WWTR1: variants seen among roughly 807,000 people sequenced by gnomAD.
WWTR1 encodes WW domain-containing transcription regulator protein 1.
Under a neutral mutation model 40.1 loss-of-function variants are expected in WWTR1, and 13 were observed. The ratio of observed to expected loss-of-function variants is 0.32; its 90% CI spans 0.21 to 0.52. WWTR1 has a LOEUF of 0.52. Among genes scored for constraint, WWTR1 ranks in the 20% least tolerant of loss-of-function variants. The pLI is 0.97. For missense variants in WWTR1, 436 were observed against 523.1 expected, an observed-to-expected ratio of 0.83 and a Z score of 1.63; for synonymous variants, 230 against 210.1, an observed-to-expected ratio of 1.09 and a Z score of -0.82.
In WWTR1 at chr3:149,656,616, C is replaced by G. The variant is rs1576626569; in HGVS notation, c.431+260G>C. Among the ~76,000 whole-genome samples the G allele has an allele frequency of 2.0e-5, 3 of 152,262 alleles. No individual in the cohort carries two copies. The East Asian group carries it at 5.8e-4, about 29-fold the overall frequency. ...TCCTGCAGATTCAAGGCAAAGTCAC[C>G]TGTGTGTTTTATGGTGGATGAACTT... On this transcript the variant is annotated intron_variant, in intron 2 of 6. Coordinates refer to ENST00000360632, the MANE Select transcript of WWTR1 (RefSeq NM_015472.6).
At chr3:149,667,475 G>A (rs2108185141) in intron 2 of WWTR1, among the ~76,000 whole-genome samples, 1 of 151,796 alleles carries the variant, frequency 6.6e-6, no homozygotes, top group East Asian at 1.9e-4. Flanking sequence ...GTGAACCCAG[G>A]AGGTGGAGCT....
intron 2 of WWTR1, among the ~76,000 whole-genome samples, chr3:149,635,864 T>C (rs1711793185): frequency 6.6e-6 from 1 of 152,212 alleles, no homozygotes; most frequent in African/African-American, 2.4e-5. Context: ...ATGTTGAATA[T>C]ATGACCATCT....
intron 2 of WWTR1, among the ~76,000 whole-genome samples, chr3:149,638,973 T>C (rs533872763): frequency 6.6e-6 from 1 of 152,316 alleles, no homozygotes; most frequent in Non-Finnish European, 1.5e-5. Flanking sequence ...CGAGAGATAC[T>C]GGCATCTCTG....
chr3:149,668,742 T>C (rs554702302), intron 2 of WWTR1, among the ~76,000 whole-genome samples: 18 of 152,320 alleles, frequency 1.2e-4, no homozygotes, highest in African/African-American at 4.3e-4. Flanking sequence ...TTTTAATAAA[T>C]TCTCTGACAA....
chr3:149,717,672 G>A (rs1715645473), intron 4 of WWTR1: 1 of 152,192 alleles, frequency 6.6e-6, no homozygotes, highest in Admixed American at 6.5e-5. Flanking sequence ...TCCAACATAA[G>A]CAATTTGTGA....
intron 2 of WWTR1, among the ~76,000 whole-genome samples, chr3:149,615,446 T>C (rs565868122): frequency 3.8e-4 from 58 of 152,326 alleles, no homozygotes; most frequent in African/African-American, 1.2e-3. Flanking sequence ...AATGGCAGAA[T>C]GTGGACGATT....
intron 1 of WWTR1, among the ~76,000 whole-genome samples, chr3:149,688,173 A>G (rs1714710685): frequency 6.6e-6 from 1 of 152,078 alleles, no homozygotes; most frequent in Admixed American, 6.6e-5. Flanking sequence ...TCCAGACAGC[A>G]TATCTAGACC....
chr3:149,616,457 T>C (rs574882136), intron 2 of WWTR1, among the ~76,000 whole-genome samples: 44 of 152,018 alleles, frequency 2.9e-4, no homozygotes, highest in African/African-American at 9.9e-4. Context: ...TTTTTTTTTT[T>C]CCGAGGTGGA....
At chr3:149,663,743 T>G (rs1484853243) in intron 2 of WWTR1, among the ~76,000 whole-genome samples, 1 of 152,114 alleles carries the variant, frequency 6.6e-6, no homozygotes, top group Non-Finnish European at 1.5e-5. Context: ...CCACAATTCC[T>G]TGTTGAGAGC....
chr3:149,540,111 C>G, intron 4 of WWTR1: 1 of 441,334 alleles, frequency 2.3e-6, no homozygotes, highest in Non-Finnish European at 4.6e-6. Flanking sequence ...CACACACACA[C>G]ACACACACAC....
chr3:149,667,894 A>T (rs149583294), intron 2 of WWTR1, among the ~76,000 whole-genome samples: 1 of 152,336 alleles, frequency 6.6e-6, no homozygotes, highest in Non-Finnish European at 1.5e-5. Context: ...ATATTTGAAA[A>T]GAGAATTAAA....
chr3:149,568,648 CCT>C (rs964114644), intron 3 of WWTR1, among the ~76,000 whole-genome samples: 3 of 150,494 alleles, frequency 2.0e-5, no homozygotes, highest in South Asian at 2.1e-4. Flanking sequence ...CAGAAAGAAT[CCT>C]CTGTTTTTAC....
At chr3:149,709,264 C>G (rs1001104270) in intron 5 of WWTR1, among the ~76,000 whole-genome samples, 8 of 121,340 alleles carry the variant, frequency 6.6e-5, no homozygotes, top group Non-Finnish European at 1.0e-4. Context: ...TGTGGGCCAT[C>G]ATGTCTGGCC....
chr3:149,568,251 T>C (rs1737428317), intron 3 of WWTR1, among the ~76,000 whole-genome samples: 1 of 151,936 alleles, frequency 6.6e-6, no homozygotes, highest in Middle Eastern at 3.2e-3. Context: ...CTGGGTGTGG[T>C]GGCGGGCGCC....
chr3:149,537,944 G>A (rs536476755), intron 4 of WWTR1, among the ~76,000 whole-genome samples: 2 of 151,138 alleles, frequency 1.3e-5, no homozygotes, highest in East Asian at 1.9e-4. Context: ...TTTTGAGACA[G>A]AGTCTCACTC....
intron 4 of WWTR1, among the ~76,000 whole-genome samples, chr3:149,538,237 T>C (rs1735922331): frequency 6.6e-6 from 1 of 152,174 alleles, no homozygotes; most frequent in African/African-American, 2.4e-5. Context: ...AAAATTTTTT[T>C]CTACTTAAAA....
intron 5 of WWTR1, among the ~76,000 whole-genome samples, chr3:149,717,091 G>C (rs969609598): frequency 8.5e-5 from 13 of 152,094 alleles, no homozygotes; most frequent in Admixed American, 6.5e-5. Flanking sequence ...TGCTTGAGCT[G>C]GGGAGGTTGA....
intron 6 of WWTR1, among the ~76,000 whole-genome samples, chr3:149,524,767 C>T (rs1735215788): frequency 6.6e-6 from 1 of 152,138 alleles, no homozygotes; most frequent in Non-Finnish European, 1.5e-5. Context: ...AGACTCACAA[C>T]ACAAAGAGAA....
At chr3:149,564,049 TG>T (rs1380676823) in intron 3 of WWTR1, among the ~76,000 whole-genome samples, 1 of 152,188 alleles carries the variant, frequency 6.6e-6, no homozygotes, top group Non-Finnish European at 1.5e-5. Flanking sequence ...ACACTGCACT[TG>T]GCCTTAACAT....
Sources: gnomAD v4.1 joint callset for allele counts (sites outside exome capture counted in the v4.1 genomes callset) on GRCh38, gnomAD v4.1.1 for gene constraint, MANE v1.5 for transcripts, NCBI Gene and HGNC (gene_info 2026-07-23, HGNC 2026-07-21) for gene names.